KSR1: variants seen among roughly 807,000 people sequenced by gnomAD.
KSR1 encodes kinase suppressor of ras.
Under a neutral mutation model 92.9 loss-of-function variants are expected in KSR1, and 35 were observed. The observed-to-expected ratio is 0.38, with a 90% CI of 0.29 to 0.50. KSR1 has a LOEUF of 0.50. Ranked by LOEUF, KSR1 falls within the 20% of genes least tolerant of loss-of-function variation. KSR1 has a pLI of 0.94. For synonymous variants in KSR1, 467 were observed against 472.6 expected (o/e 0.99, Z 0.15); for missense variants, 972 against 1,158.5 (o/e 0.84, Z 2.34).
intron 1 of KSR1, among the ~76,000 whole-genome samples, chr17:27,522,890 G>A (rs1392353017): frequency 6.6e-6 from 1 of 152,182 alleles, no homozygotes; most frequent in East Asian, 1.9e-4. Context: ...AGTAGCTCAG[G>A]GGATTCCTGT....
chr17:27,604,446 C>T (rs998510076), intron 12 of KSR1, among the ~76,000 whole-genome samples: 1 of 152,186 alleles, frequency 6.6e-6, no homozygotes, highest in Non-Finnish European at 1.5e-5. Flanking sequence ...GATCACTGCC[C>T]ACCTCTCAGC....
intron 16 of KSR1, 144 bp from the exon 17 acceptor site, chr17:27,609,923 T>G (rs2073867964): frequency 2.0e-6 from 2 of 998,204 alleles, no homozygotes; most frequent in Non-Finnish European, 2.9e-6. Flanking sequence ...CTTTCCCAAG[T>G]GCAGGGTCAG....
chr17:27,606,409 AT>A (rs1418213099), intron 14 of KSR1, among the ~76,000 whole-genome samples: 2 of 152,246 alleles, frequency 1.3e-5, no homozygotes, highest in African/African-American at 4.8e-5. Context: ...AAAGGAAGAC[AT>A]TTGCATATAC....
In KSR1 at chr17:27,484,658, C is replaced by T. The variant is rs142742409; in HGVS notation, c.231+27784C>T. Among the ~76,000 whole-genome samples, 1,070 of 146,222 alleles carry T rather than the reference C, an allele frequency of 7.3e-3. 10 individuals are homozygous for T. The highest frequency in any genetic ancestry group is 0.025 in the African/African-American group (1,028 of 40,468). On this transcript the variant is annotated intron_variant, in intron 1 of 20. Coordinates refer to ENST00000644974, the MANE Select transcript of KSR1 (RefSeq NM_001394583.1). ...TCCTATCCAGTGTGATGGGGAGGTCCCTGGGGAGCTTGAGGTCCTGCGAGG... is the reference window on the plus strand; with the variant it reads ...TCCTATCCAGTGTGATGGGGAGGTCTCTGGGGAGCTTGAGGTCCTGCGAGG...
chr17:27,617,561 C>A, intron 19 of KSR1, 133 bp downstream of exon 19: 2 of 1,114,064 alleles, frequency 1.8e-6, no homozygotes, highest in African/African-American at 1.6e-5. Context: ...GAGTCTCGCT[C>A]TTGTCATCAG....
chr17:27,577,481 T>C lies in KSR1; in HGVS notation c.373-11T>C. The C allele has an allele frequency of 6.7e-7, 1 of 1,485,218 alleles. No individual in the cohort carries two copies. Among genetic ancestry groups the C allele is most frequent in the Non-Finnish European group, 9.2e-7 (1 of 1,090,722 alleles). 92.0% of individuals were successfully genotyped at this position (1,485,218 alleles called of 1,614,324 possible). ...CTCACCGCCTCTCTGCCTGTCCCTC[T>C]GTCCCCTTAGGAGATCCCCCGAGAC... On this transcript the variant is annotated splice_polypyrimidine_tract_variant and intron_variant, in intron 2 of 20. Transcript: ENST00000644974. This position sits in a 1 kb window ranked among gnomAD's most constrained non-coding sequence, Gnocchi z 4.5.
chr17:27,567,416 C>A (rs1420023119), intron 2 of KSR1, among the ~76,000 whole-genome samples: 1 of 152,148 alleles, frequency 6.6e-6, no homozygotes, highest in South Asian at 2.1e-4. Flanking sequence ...CATAGTGAAA[C>A]CTCGTCTCTT....
chr17:27,515,611 G>GTTTTTTTTTTTTTTTTT (rs770675553), intron 1 of KSR1, among the ~76,000 whole-genome samples: 1 of 109,048 alleles, frequency 9.2e-6, no homozygotes, highest in African/African-American at 3.4e-5. Flanking sequence ...CTGCTTCGTA[G>GTTTTTTTTTTTTTTTTT]TTTTTTTTTT....
intron 1 of KSR1, among the ~76,000 whole-genome samples, chr17:27,457,558 T>A (rs2019237363): frequency 6.6e-6 from 1 of 152,028 alleles, no homozygotes; most frequent in Non-Finnish European, 1.5e-5. Context: ...AAGCCTTTGG[T>A]GGGAAGATGA....
rs948958022 is a variant in KSR1, at chr17:27,624,465, A to G, written c.*1073A>G. ...TCAGCTGGGCAGTGTGTGGGCTATCACCCCTTTCATTTAGACCTACCTAGC... is the reference window on the plus strand; with the variant it reads ...TCAGCTGGGCAGTGTGTGGGCTATCGCCCCTTTCATTTAGACCTACCTAGC... On this transcript the variant is annotated 3_prime_UTR_variant, in exon 21 of 21. Transcript: ENST00000644974. 1 of 152,052 alleles carries G rather than the reference A, an allele frequency of 6.6e-6. No individual in the cohort carries two copies. Among genetic ancestry groups the G allele is most frequent in the African/African-American group, 2.4e-5 (1 of 41,330 alleles). The allele number at this position is 152,052 out of a possible 1,614,324, so 9.4% of individuals were successfully genotyped here.
intron 10 of KSR1, among the ~76,000 whole-genome samples, chr17:27,600,971 G>C (rs946656136): frequency 4.6e-5 from 7 of 152,198 alleles, no homozygotes; most frequent in Admixed American, 1.3e-4. Flanking sequence ...CACTCTGGAG[G>C]TACAGGTGGG....
intron 1 of KSR1, among the ~76,000 whole-genome samples, chr17:27,512,986 C>G (rs777271827): frequency 6.6e-6 from 1 of 151,656 alleles, no homozygotes; most frequent in African/African-American, 2.4e-5. Flanking sequence ...ACAACATTAG[C>G]TTGACTTTAG....
intron 1 of KSR1, among the ~76,000 whole-genome samples, chr17:27,491,950 G>A (rs1436388099): frequency 6.6e-6 from 1 of 152,210 alleles, no homozygotes; most frequent in East Asian, 1.9e-4. Flanking sequence ...TAGGCTGTGA[G>A]CAGCGCCTGC....
At chr17:27,551,544 A>G (rs545887676) in intron 2 of KSR1, among the ~76,000 whole-genome samples, 7 of 152,226 alleles carry the variant, frequency 4.6e-5, no homozygotes, top group East Asian at 1.9e-4. Context: ...CAGAAAATCT[A>G]TGATCATTAA....
At chr17:27,542,717 C>T (rs895972257) in intron 1 of KSR1, among the ~76,000 whole-genome samples, 1 of 152,226 alleles carries the variant, frequency 6.6e-6, no homozygotes, top group Non-Finnish European at 1.5e-5. Context: ...GGTCATTCTG[C>T]AGGCTGAGCA....
intron 7 of KSR1, among the ~76,000 whole-genome samples, chr17:27,591,428 G>T (rs2073162720): frequency 1.3e-5 from 2 of 152,182 alleles, no homozygotes; most frequent in South Asian, 4.1e-4. Flanking sequence ...ATGCAGGGAG[G>T]CCTCGGAGGC....
intron 1 of KSR1, among the ~76,000 whole-genome samples, chr17:27,550,025 C>T (rs2071334466): frequency 6.6e-6 from 1 of 152,094 alleles, no homozygotes; most frequent in Admixed American, 6.5e-5. Context: ...ACTCCCTGAC[C>T]CCACCCTGGC....
intron 1 of KSR1, among the ~76,000 whole-genome samples, chr17:27,539,089 A>G (rs925893870): frequency 3.9e-5 from 6 of 152,128 alleles, no homozygotes; most frequent in African/African-American, 1.4e-4. Context: ...GCAGAAATCT[A>G]CTTTTGCCAT....
At chr17:27,585,129 G>A (rs1251052524) in intron 4 of KSR1, among the ~76,000 whole-genome samples, 1 of 152,138 alleles carries the variant, frequency 6.6e-6, no homozygotes, top group African/African-American at 2.4e-5. Flanking sequence ...TAGACACAAG[G>A]TTTCATCACC....
Sources: allele counts gnomAD v4.1 joint callset (sites outside exome capture counted in the v4.1 genomes callset), GRCh38; gene constraint gnomAD v4.1.1; non-coding constraint Gnocchi (gnomAD v3.1); transcripts MANE v1.5; gene names NCBI Gene and HGNC (gene_info 2026-07-23, HGNC 2026-07-21).